ADAMTSL1: variants seen among roughly 807,000 people sequenced by gnomAD.
ADAMTSL1 encodes the protein ADAMTS-like protein 1.
Under a neutral mutation model 201.8 loss-of-function variants are expected in ADAMTSL1, and 126 were observed. The ratio of observed to expected loss-of-function variants is 0.62; its 90% CI spans 0.54 to 0.72. ADAMTSL1 has a LOEUF of 0.72. Among genes scored for constraint, ADAMTSL1 ranks in the 30% least tolerant of loss-of-function variants. ADAMTSL1 has a pLI of 0.00. For missense variants in ADAMTSL1, 2,679 were observed against 2,277.8 expected, an observed-to-expected ratio of 1.18 and a Z score of -3.59; for synonymous variants, 1,121 against 903.4, an observed-to-expected ratio of 1.24 and a Z score of -4.32.
At chr9:18,563,846 G>T (rs1192950849) in intron 3 of ADAMTSL1, among the ~76,000 whole-genome samples, 1 of 152,142 alleles carries the variant, frequency 6.6e-6, no homozygotes, top group Non-Finnish European at 1.5e-5. Flanking sequence ...CTTGGTAATG[G>T]TGGACGCCCC....
chr9:18,710,216 T>C (rs1162126137), intron 14 of ADAMTSL1, among the ~76,000 whole-genome samples: 4 of 152,184 alleles, frequency 2.6e-5, no homozygotes, highest in Admixed American at 1.3e-4. Context: ...TCAGCCTCAA[T>C]TGCATGCTGT....
intron 2 of ADAMTSL1, among the ~76,000 whole-genome samples, chr9:18,346,087 A>C (rs556056215): frequency 5.4e-4 from 82 of 152,304 alleles, no homozygotes; most frequent in African/African-American, 1.8e-3. Flanking sequence ...TGTATGCTAC[A>C]CATCCATTAG....
intron 2 of ADAMTSL1, among the ~76,000 whole-genome samples, chr9:18,190,591 C>T (rs1828930750): frequency 6.6e-6 from 1 of 152,136 alleles, no homozygotes. Flanking sequence ...GCATTGATTT[C>T]TCGCACTGAG....
chr9:18,224,153 T>C (rs1470160905), intron 2 of ADAMTSL1, among the ~76,000 whole-genome samples: 1 of 152,184 alleles, frequency 6.6e-6, no homozygotes. Flanking sequence ...TCTTGGTCCC[T>C]TTGTGCTGCT....
chr9:18,399,351 CTTTTTTGAGACAA>C (rs2133258473), intron 2 of ADAMTSL1, among the ~76,000 whole-genome samples: 1 of 65,284 alleles, frequency 1.5e-5, no homozygotes, highest in South Asian at 5.3e-4. Context: ...TTCTTTTTTT[CTTTTTTGAGACAA>C]AGTCTTGCTC....
At chr9:18,832,581 G>T (rs566424238) in intron 23 of ADAMTSL1, among the ~76,000 whole-genome samples, 1 of 152,300 alleles carries the variant, frequency 6.6e-6, no homozygotes, top group African/African-American at 2.4e-5. Flanking sequence ...GAGGATAACA[G>T]AATTCTAGAC....
chr9:18,125,661 C>T (rs371246692), intron 1 of ADAMTSL1, among the ~76,000 whole-genome samples: 8 of 152,142 alleles, frequency 5.3e-5, no homozygotes, highest in East Asian at 1.9e-4. Flanking sequence ...TTGTCCCAAC[C>T]GACTTTGTTG....
At chr9:18,025,511 T>C (rs1468106196) in intron 1 of ADAMTSL1, among the ~76,000 whole-genome samples, 2 of 151,934 alleles carry the variant, frequency 1.3e-5, no homozygotes, top group Non-Finnish European at 2.9e-5. Flanking sequence ...TTGAATAGAG[T>C]CCTTTCCCCA....
chr9:18,266,950 C>A (rs1163034647), intron 2 of ADAMTSL1, among the ~76,000 whole-genome samples: 1 of 152,140 alleles, frequency 6.6e-6, no homozygotes, highest in Non-Finnish European at 1.5e-5. Flanking sequence ...CTAACCTCTT[C>A]AGTTTCTCAC....
At chr9:18,771,022 G>A (rs757049043) in intron 17 of ADAMTSL1, among the ~76,000 whole-genome samples, 20 of 152,244 alleles carry the variant, frequency 1.3e-4, no homozygotes, top group South Asian at 8.3e-4. Context: ...TGGGCTCCTC[G>A]TGGAACAAAA....
intron 1 of ADAMTSL1, among the ~76,000 whole-genome samples, chr9:18,036,051 A>G (rs1821182184): frequency 6.6e-6 from 1 of 152,164 alleles, no homozygotes; most frequent in South Asian, 2.1e-4. Flanking sequence ...GTGCTACACA[A>G]GGGATCTCAT....
intron 1 of ADAMTSL1, among the ~76,000 whole-genome samples, chr9:18,029,400 A>G (rs1337753712): frequency 5.9e-5 from 9 of 152,256 alleles, no homozygotes; most frequent in African/African-American, 1.9e-4. Flanking sequence ...ATTAATTCGA[A>G]ATGGATTAAA....
At chr9:18,287,545 T>A (rs911514849) in intron 2 of ADAMTSL1, among the ~76,000 whole-genome samples, 6 of 150,720 alleles carry the variant, frequency 4.0e-5, no homozygotes, top group African/African-American at 1.2e-4. Flanking sequence ...AAAATACATA[T>A]ACATACATGT....
chr9:18,587,167 T>C (rs896250428), intron 4 of ADAMTSL1, among the ~76,000 whole-genome samples: 1 of 152,094 alleles, frequency 6.6e-6, no homozygotes, highest in Non-Finnish European at 1.5e-5. Flanking sequence ...CAGATAACCC[T>C]ACAGAATGGG....
intron 9 of ADAMTSL1, among the ~76,000 whole-genome samples, chr9:18,664,108 G>C (rs959638164): frequency 6.6e-6 from 1 of 152,014 alleles, no homozygotes; most frequent in Non-Finnish European, 1.5e-5. Flanking sequence ...TATTGAAGAA[G>C]TAATTAGACA....
intron 19 of ADAMTSL1, among the ~76,000 whole-genome samples, chr9:18,781,836 G>GA (rs1588100084): frequency 6.6e-6 from 1 of 152,078 alleles, no homozygotes; most frequent in South Asian, 2.1e-4. Flanking sequence ...GTCCAGGTCA[G>GA]AAAAAAGTGA....
chr9:18,026,291 T>C (rs1280444764), intron 1 of ADAMTSL1, among the ~76,000 whole-genome samples: 1 of 152,014 alleles, frequency 6.6e-6, no homozygotes, highest in Non-Finnish European at 1.5e-5. Flanking sequence ...TTTCAGTTCT[T>C]AAGGGAAATG....
At chr9:18,820,043 A>G (rs1284954122) in intron 21 of ADAMTSL1, among the ~76,000 whole-genome samples, 1 of 152,244 alleles carries the variant, frequency 6.6e-6, no homozygotes, top group Admixed American at 6.5e-5. Flanking sequence ...CTGATTGGTT[A>G]GGTGGGATTC....
intron 4 of ADAMTSL1, among the ~76,000 whole-genome samples, chr9:18,613,470 C>T (rs967070429): frequency 1.3e-5 from 2 of 152,104 alleles, no homozygotes; most frequent in African/African-American, 4.8e-5. Context: ...CCTAAATGCC[C>T]ATCAATGATA....
Sources: allele counts gnomAD v4.1 joint callset (sites outside exome capture counted in the v4.1 genomes callset), GRCh38; gene constraint gnomAD v4.1.1; transcripts MANE v1.5; gene names NCBI Gene and HGNC (gene_info 2026-07-23, HGNC 2026-07-21).